The following DPY30 variants were observed in gnomAD, a reference collection of about 807,000 sequenced individuals.
DPY30 encodes dpy-30 histone methyltransferase complex regulatory subunit.
DPY30 carries 6 observed loss-of-function variants against 16.2 expected under a neutral mutation model. That is an observed-to-expected ratio of 0.37 (90% confidence interval 0.20 to 0.73). DPY30 has a LOEUF of 0.73. DPY30 is among the 30% of genes least tolerant of loss of function. DPY30 has a pLI of 0.51. For synonymous variants in DPY30, 39 were observed against 38.8 expected (o/e 1.00, Z -0.02); for missense variants, 73 against 113.1 (o/e 0.65, Z 1.61).
At chr2:32,022,581 A>T (rs1197284726), downstream of DPY30, among the ~76,000 whole-genome samples, 1 of 151,710 alleles carries the variant, frequency 6.6e-6, no homozygotes, top group Non-Finnish European at 1.5e-5. Context: ...GCAGTGGCAC[A>T]ATCTCGGCTC....
chr2:32,014,137 T>C (rs1675019800), intron 5 of DPY30, among the ~76,000 whole-genome samples: 1 of 152,004 alleles, frequency 6.6e-6, no homozygotes, highest in Non-Finnish European at 1.5e-5. Context: ...ACAACCACAA[T>C]GTCCACCAAT....
intron 3 of DPY30, among the ~76,000 whole-genome samples, chr2:32,035,294 TTAAA>T (rs1675693190): frequency 6.6e-6 from 1 of 151,468 alleles, no homozygotes; most frequent in African/African-American, 2.4e-5. Flanking sequence ...AAAACAAAAA[TTAAA>T]TAAATAAATA....
chr2:32,027,043 A>G lies in DPY30; in HGVS notation c.227+2551T>C, dbSNP rs930652627. 5.3e-5 allele frequency among the ~76,000 whole-genome samples: 8 copies of G among 151,812 alleles called. No individual in the cohort carries two copies. In the East Asian group the frequency reaches 1.2e-3, roughly 22 times the overall value. Reference sequence around the variant, plus strand: ...ATAATCCCAGCATTTTGGGAGGCCAATGAGGGCAGACCACCTGAGGTCAGG... The same window carrying G: ...ATAATCCCAGCATTTTGGGAGGCCAGTGAGGGCAGACCACCTGAGGTCAGG... On this transcript the variant is annotated intron_variant, in intron 4 of 4. Coordinates refer to ENST00000342166, the MANE Select transcript of DPY30 (RefSeq NM_001321209.2).
At chr2:32,020,268 G>C (rs1675151229), downstream of DPY30, among the ~76,000 whole-genome samples, 1 of 151,774 alleles carries the variant, frequency 6.6e-6, no homozygotes, top group African/African-American at 2.4e-5. Context: ...TGGGATTATA[G>C]ACAGGTAGAT....
chr2:32,017,039 C>T (rs1675079190), intron 5 of DPY30, among the ~76,000 whole-genome samples: 1 of 151,962 alleles, frequency 6.6e-6, no homozygotes, highest in African/African-American at 2.4e-5. Flanking sequence ...TCGACCACCA[C>T]ACCCGGCTAA....
At chr2:32,019,693 G>C (rs557126352), downstream of DPY30, among the ~76,000 whole-genome samples, 1 of 151,042 alleles carries the variant, frequency 6.6e-6, no homozygotes, top group African/African-American at 2.4e-5. Flanking sequence ...GGTGGTGTGC[G>C]CCTGTAATCC....
downstream of DPY30, among the ~76,000 whole-genome samples, chr2:32,020,456 G>A (rs1256178063): frequency 1.3e-5 from 2 of 150,670 alleles, no homozygotes; most frequent in Admixed American, 6.6e-5. Context: ...AGGTTGCAGT[G>A]AGCTATGACC....
chr2:32,032,860 G>A (rs1015433617), intron 3 of DPY30, among the ~76,000 whole-genome samples: 1 of 151,942 alleles, frequency 6.6e-6, no homozygotes, highest in African/African-American at 2.4e-5. Flanking sequence ...TCTGGGCATG[G>A]TGGCAGGCGC....
chr2:32,031,166 T>C (rs1298968780), intron 3 of DPY30, among the ~76,000 whole-genome samples: 1 of 152,076 alleles, frequency 6.6e-6, no homozygotes, highest in Non-Finnish European at 1.5e-5. Context: ...CTGACTCCTG[T>C]AAACCCAGCA....
At chr2:32,034,690 G>A (rs566171498) in intron 3 of DPY30, among the ~76,000 whole-genome samples, 4 of 152,232 alleles carry the variant, frequency 2.6e-5, no homozygotes, top group African/African-American at 9.6e-5. Context: ...GTGTTCCAGT[G>A]ACACAGGGGA....
At position 32,024,215 on chromosome 2, in the gene DPY30, T is replaced by C. The variant is rs1012439318; in HGVS notation, c.269A>G (p.Lys90Arg). ...PIEFLASYLL[K>R]NKAQFEDRN ...TCGATCTTCAAACTGTGCCTTGTTT[T>C]TTAAAAGATAAGATGCTAGAAATTC... The change falls in exon 5 of 5, where the codon AAA becomes AGA. Residue 90 changes from lysine (K) to arginine (R), a missense_variant. Coordinates refer to ENST00000342166, the MANE Select transcript of DPY30 (RefSeq NM_001321209.2). 3 of 1,612,864 alleles carry C rather than the reference T, an allele frequency of 1.9e-6. No homozygotes were observed. The highest frequency in any genetic ancestry group is 2.5e-6 in the Non-Finnish European group (3 of 1,179,478).
chr2:32,018,110 G>A (rs958284474), intron 5 of DPY30, among the ~76,000 whole-genome samples: 1 of 152,044 alleles, frequency 6.6e-6, no homozygotes, highest in Non-Finnish European at 1.5e-5. Flanking sequence ...ATAGTATTTT[G>A]TTATAGCAGG....
chr2:32,023,794 C>G, downstream of DPY30: 1 of 1,306,984 alleles, frequency 7.7e-7, no homozygotes, highest in Admixed American at 2.3e-5. Flanking sequence ...TGTATTTTCT[C>G]TCTGTTGTAA....
intron 3 of DPY30, among the ~76,000 whole-genome samples, chr2:32,032,399 A>T (rs944777479): frequency 1.1e-4 from 17 of 152,230 alleles, no homozygotes; most frequent in African/African-American, 4.1e-4. Context: ...ATTATTTCTG[A>T]AAACTGACAG....
chr2:32,027,138 T>C (rs191054735), intron 4 of DPY30, among the ~76,000 whole-genome samples: 332 of 150,638 alleles, frequency 2.2e-3, no homozygotes, highest in African/African-American at 7.4e-3. Context: ...TAGCCACGTG[T>C]GGTGGCACAC....
chr2:32,039,620 G>C (rs1675889100), intron 1 of DPY30, 113 bp downstream of exon 1: 3 of 816,022 alleles, frequency 3.7e-6, no homozygotes, highest in Non-Finnish European at 3.9e-6. Context: ...ACGAGCAGTA[G>C]AGCAGCAGAG....
At chr2:32,023,449 T>C (rs1675228306), downstream of DPY30, 1 of 471,698 alleles carries the variant, frequency 2.1e-6, no homozygotes, top group African/African-American at 2.0e-5. Context: ...GCATGTCACT[T>C]AACCTCTCCA....
At chr2:32,037,081 C>T (rs553538364) in intron 3 of DPY30, among the ~76,000 whole-genome samples, 1 of 152,204 alleles carries the variant, frequency 6.6e-6, no homozygotes, top group East Asian at 1.9e-4. Context: ...AAAACAAGGG[C>T]AAAATAATGA....
chr2:32,031,363 T>C (rs1432592072), intron 3 of DPY30, among the ~76,000 whole-genome samples: 1 of 149,962 alleles, frequency 6.7e-6, no homozygotes, highest in Non-Finnish European at 1.5e-5. Flanking sequence ...AAGGTTGCAA[T>C]GAGCCGAGAT....
Sources: gnomAD v4.1 joint callset for allele counts (sites outside exome capture counted in the v4.1 genomes callset) on GRCh38, gnomAD v4.1.1 for gene constraint, MANE v1.5 for transcripts, NCBI Gene and HGNC (gene_info 2026-07-23, HGNC 2026-07-21) for gene names.